The following COL21A1 variants were observed in gnomAD, a reference collection of about 807,000 sequenced individuals.
COL21A1 encodes collagen alpha-1(XXI) chain.
In COL21A1, 149 loss-of-function variants were observed where a neutral mutation model predicts 137.9. The ratio of observed to expected loss-of-function variants is 1.08; its 90% confidence interval spans 0.95 to 1.24. COL21A1 has a LOEUF of 1.24. Ranked by LOEUF, COL21A1 falls within the 50% of genes most tolerant of loss-of-function variation. The pLI, the probability that COL21A1 is intolerant of heterozygous loss-of-function variation, is 0.00. For missense variants in COL21A1, 1,167 were observed against 1,158.4 expected, an observed-to-expected ratio of 1.01 and a Z score of -0.11; for synonymous variants, 456 against 391.5, an observed-to-expected ratio of 1.16 and a Z score of -1.95.
At chr6:56,289,122 A>T (rs965258940) in intron 1 of COL21A1, among the ~76,000 whole-genome samples, 1 of 152,250 alleles carries the variant, frequency 6.6e-6, no homozygotes, top group African/African-American at 2.4e-5. Flanking sequence ...CTCCTGACAC[A>T]GTGCAGGCCC....
chr6:56,379,727 A>G (rs1036398340), intron 1 of COL21A1, among the ~76,000 whole-genome samples: 2 of 152,036 alleles, frequency 1.3e-5, no homozygotes, highest in Non-Finnish European at 2.9e-5. Context: ...CGTATTTAAT[A>G]TTGTATCATT....
At chr6:56,307,296 G>A (rs979746334) in intron 1 of COL21A1, among the ~76,000 whole-genome samples, 4 of 152,222 alleles carry the variant, frequency 2.6e-5, no homozygotes, top group African/African-American at 9.6e-5. Context: ...GCTGCCTTTT[G>A]TTTGGCAATG....
chr6:56,169,361 G>C (rs559577121), intron 5 of COL21A1, among the ~76,000 whole-genome samples: 1 of 151,858 alleles, frequency 6.6e-6, no homozygotes, highest in Non-Finnish European at 1.5e-5. Flanking sequence ...GGATAAAGTT[G>C]AAAGTATTAT....
At chr6:56,087,030 G>A (rs915459742) in intron 17 of COL21A1, among the ~76,000 whole-genome samples, 3 of 151,866 alleles carry the variant, frequency 2.0e-5, no homozygotes, top group African/African-American at 7.2e-5. Context: ...ATCTCTCCAC[G>A]ATCCATATCT....
At chr6:56,305,878 G>A (rs1330743490) in intron 1 of COL21A1, among the ~76,000 whole-genome samples, 1 of 151,728 alleles carries the variant, frequency 6.6e-6, no homozygotes, top group Non-Finnish European at 1.5e-5. Context: ...GGTACTGGTT[G>A]TTCCTTCCCA....
chr6:56,124,216 G>C, intron 15 of COL21A1, 23 bp downstream of exon 15: 1 of 1,579,774 alleles, frequency 6.3e-7, no homozygotes, highest in Non-Finnish European at 8.6e-7. Context: ...AAAATACTAA[G>C]AGCTTTTTTC....
At chr6:56,216,720 A>C (rs1780510088) in intron 1 of COL21A1, among the ~76,000 whole-genome samples, 1 of 152,090 alleles carries the variant, frequency 6.6e-6, no homozygotes, top group African/African-American at 2.4e-5. Context: ...TATTGAAGCT[A>C]TACTTTCCTG....
intron 1 of COL21A1, among the ~76,000 whole-genome samples, chr6:56,204,161 G>A (rs549424017): frequency 9.2e-5 from 14 of 152,178 alleles, no homozygotes; most frequent in Admixed American, 4.6e-4. Context: ...GAAAGGGGGC[G>A]GAAACCAGGG....
chr6:56,197,951 C>T (rs1184863813), intron 1 of COL21A1, among the ~76,000 whole-genome samples: 3 of 152,116 alleles, frequency 2.0e-5, no homozygotes, highest in Non-Finnish European at 2.9e-5. Flanking sequence ...TGGAAACAAC[C>T]TAAGTGTTCA....
chr6:56,061,311 A>G, intron 25 of COL21A1: 1 of 490,348 alleles, frequency 2.0e-6, no homozygotes. Context: ...CAGAGATAAA[A>G]CAATGGGCAT....
chr6:56,215,907 A>G (rs1780451465), intron 1 of COL21A1, among the ~76,000 whole-genome samples: 1 of 152,060 alleles, frequency 6.6e-6, no homozygotes, highest in Non-Finnish European at 1.5e-5. Context: ...AAGGTATTAC[A>G]TATTCATGTG....
chr6:56,167,007 T>C (rs746861511), intron 6 of COL21A1, 24 bp from the exon 7 acceptor site: 2 of 1,577,756 alleles, frequency 1.3e-6, no homozygotes, highest in Admixed American at 3.5e-5. Context: ...CCCAGTAGAA[T>C]TAAAGTTGAG....
Position 56,218,606 on chromosome 6 carries a change from A to AT in COL21A1, c.-39+28780dup, listed in dbSNP as rs982484349. ...TATTTAAATGCACATTTATTGCTTT[A>AT]TTTTTTTTACTAATGTCTTATTACT... On this transcript the variant is annotated intron_variant, in intron 1 of 29. Coordinates refer to ENST00000244728, the MANE Select transcript of COL21A1 (RefSeq NM_030820.4). 9.9e-5 allele frequency among the ~76,000 whole-genome samples: 15 copies of AT among 151,506 alleles called. No homozygotes were observed. In the East Asian group the frequency reaches 2.3e-3, roughly 23 times the overall value.
chr6:56,240,159 C>CG (rs539024357), intron 1 of COL21A1, among the ~76,000 whole-genome samples: 139 of 145,250 alleles, frequency 9.6e-4, no homozygotes, highest in Middle Eastern at 7.0e-3. Context: ...GTCCATTAAA[C>CG]TTTTTTTTTT....
At chr6:56,337,184 T>C (rs1409230654) in intron 1 of COL21A1, among the ~76,000 whole-genome samples, 2 of 152,154 alleles carry the variant, frequency 1.3e-5, no homozygotes, top group Non-Finnish European at 2.9e-5. Context: ...ACACCCCTAT[T>C]TTTAAACATT....
At chr6:56,061,758 T>C (rs1209780301) in intron 24 of COL21A1, 77 bp from the exon 25 acceptor site, 1 of 914,902 alleles carries the variant, frequency 1.1e-6, no homozygotes, top group African/African-American at 1.7e-5. Flanking sequence ...TTTTACCACA[T>C]ACTTAATTAA....
intron 16 of COL21A1, among the ~76,000 whole-genome samples, chr6:56,107,012 C>T (rs1188356561): frequency 1.3e-5 from 2 of 152,120 alleles, no homozygotes. Flanking sequence ...GGGTCTCGAT[C>T]TCCTAACCTC....
At chr6:56,228,756 G>C (rs76617326) in intron 1 of COL21A1, among the ~76,000 whole-genome samples, 3,606 of 151,624 alleles carry the variant, frequency 0.024, 81 homozygotes, top group East Asian at 0.074. Context: ...TTGCTTTTGA[G>C]TGTCAAGGGT....
intron 12 of COL21A1, among the ~76,000 whole-genome samples, chr6:56,136,717 A>G (rs1582454916): frequency 6.6e-6 from 1 of 152,192 alleles, no homozygotes; most frequent in East Asian, 1.9e-4. Context: ...AAATTCACAT[A>G]ATACTTTGCT....
Sources: gnomAD v4.1 joint callset for allele counts (sites outside exome capture counted in the v4.1 genomes callset) on GRCh38, gnomAD v4.1.1 for gene constraint, MANE v1.5 for transcripts, NCBI Gene and HGNC (gene_info 2026-07-23, HGNC 2026-07-21) for gene names.